MCF2L2: variants seen among roughly 807,000 people sequenced by gnomAD.
MCF2L2 encodes MCF.2 cell line derived transforming sequence-like 2, also known as probable guanine nucleotide exchange factor MCF2L2.
A neutral mutation model predicts 150.2 loss-of-function variants in MCF2L2; 102 were observed. That is an observed-to-expected ratio of 0.68 (90% CI 0.58 to 0.80). The LOEUF is 0.80. Among genes scored for constraint, MCF2L2 ranks in the 30% least tolerant of loss-of-function variants. The pLI, the probability that MCF2L2 is intolerant of heterozygous loss-of-function variation, is 0.00. For missense variants in MCF2L2, 1,256 were observed against 1,372.8 expected (o/e 0.91, Z 1.34); for synonymous variants, 465 against 491.3 (o/e 0.95, Z 0.71).
At chr3:183,248,265 C>G (rs925710518) in intron 15 of MCF2L2, among the ~76,000 whole-genome samples, 3 of 152,062 alleles carry the variant, frequency 2.0e-5, no homozygotes, top group Non-Finnish European at 4.4e-5. Flanking sequence ...CATCTGACCA[C>G]CAAGACTGAT....
intron 1 of MCF2L2, among the ~76,000 whole-genome samples, chr3:183,420,329 C>T (rs769888757): frequency 5.3e-5 from 8 of 152,142 alleles, no homozygotes; most frequent in East Asian, 3.9e-4. Context: ...TGGCCAGGTG[C>T]GGTGGCTCAT....
intron 15 of MCF2L2, among the ~76,000 whole-genome samples, chr3:183,248,087 A>G (rs1354409813): frequency 6.6e-6 from 1 of 152,206 alleles, no homozygotes; most frequent in African/African-American, 2.4e-5. Flanking sequence ...CTACCAGCAG[A>G]TATTCTATTA....
At chr3:183,410,992 G>T (rs1261206293) in intron 1 of MCF2L2, among the ~76,000 whole-genome samples, 1 of 152,138 alleles carries the variant, frequency 6.6e-6, no homozygotes, top group African/African-American at 2.4e-5. Context: ...GGCCCAGGGG[G>T]ACCTCCTGCT....
chr3:183,405,916 A>G (rs1715017503), intron 1 of MCF2L2, among the ~76,000 whole-genome samples: 1 of 152,250 alleles, frequency 6.6e-6, no homozygotes, highest in South Asian at 2.1e-4. Context: ...GGGTTTTACC[A>G]TGCTGGCCAG....
chr3:183,285,021 A>C (rs1242020455), intron 14 of MCF2L2, among the ~76,000 whole-genome samples: 1 of 152,222 alleles, frequency 6.6e-6, no homozygotes, highest in East Asian at 1.9e-4. Context: ...AACTTTTGGG[A>C]GTCAAAGTAA....
intron 1 of MCF2L2, among the ~76,000 whole-genome samples, chr3:183,396,048 C>T (rs551526092): frequency 5.3e-5 from 8 of 151,366 alleles, no homozygotes; most frequent in African/African-American, 1.9e-4. Flanking sequence ...CAGTATCTCA[C>T]ACCCTCCCCC....
At chr3:183,323,822 C>A (rs1186992203) in intron 5 of MCF2L2, among the ~76,000 whole-genome samples, 3 of 151,150 alleles carry the variant, frequency 2.0e-5, no homozygotes, top group Non-Finnish European at 2.9e-5. Context: ...TTACTATATC[C>A]AGCAGGGAAA....
At chr3:183,201,444 T>C (rs1722280528) in intron 25 of MCF2L2, among the ~76,000 whole-genome samples, 1 of 152,218 alleles carries the variant, frequency 6.6e-6, no homozygotes, top group African/African-American at 2.4e-5. Context: ...TATTGGTGTA[T>C]AGGAATGCTT....
intron 15 of MCF2L2, chr3:183,254,834 T>G (rs1165725582): frequency 6.6e-6 from 1 of 152,236 alleles, no homozygotes. Flanking sequence ...CAGATCTCCC[T>G]GGCGGGGAGG....
At chr3:183,335,051 G>A (rs925427395) in intron 5 of MCF2L2, among the ~76,000 whole-genome samples, 5 of 151,572 alleles carry the variant, frequency 3.3e-5, no homozygotes, top group African/African-American at 1.2e-4. Flanking sequence ...CCAGGAGATG[G>A]AGGCTGCAGT....
intron 7 of MCF2L2, among the ~76,000 whole-genome samples, chr3:183,315,225 G>C (rs1436108372): frequency 1.3e-5 from 2 of 151,818 alleles, no homozygotes; most frequent in African/African-American, 4.8e-5. Flanking sequence ...ATACAGGATT[G>C]AGCCACTGTG....
chr3:183,179,259 T>C lies in MCF2L2; in HGVS notation c.*121A>G. The stretch of plus-strand genomic sequence containing the variant: ...CGGAGGAGGCCCTGGTTGTCCCCTT[T>C]CTGCCGCCGCCGAGGCTCCGGCTGC... On this transcript the variant is annotated 3_prime_UTR_variant, in exon 30 of 30. Coordinates refer to ENST00000328913, the MANE Select transcript of MCF2L2 (RefSeq NM_015078.4). The surrounding 1 kb of genome is among the most constrained non-coding windows in gnomAD (Gnocchi z 4.2). 1 of 1,315,660 alleles carries C rather than the reference T, an allele frequency of 7.6e-7. No homozygotes were observed. Among genetic ancestry groups the C allele is most frequent in the East Asian group, 3.1e-5 (1 of 32,544 alleles). 81.5% of individuals were successfully genotyped at this position (1,315,660 alleles called of 1,614,324 possible).
chr3:183,313,977 G>A (rs1729492239), intron 7 of MCF2L2, among the ~76,000 whole-genome samples: 1 of 152,200 alleles, frequency 6.6e-6, no homozygotes, highest in Admixed American at 6.5e-5. Context: ...CTCCTTGATG[G>A]GTGGAAAGGC....
intron 3 of MCF2L2, among the ~76,000 whole-genome samples, chr3:183,349,750 G>C (rs1731038890): frequency 6.6e-6 from 1 of 152,226 alleles, no homozygotes; most frequent in African/African-American, 2.4e-5. Context: ...CTGGCTTTCA[G>C]ACTCAGCTGT....
Position 183,339,237 on chromosome 3 carries a change from G to T in MCF2L2, c.367-318C>A, listed in dbSNP as rs192456854. Among the ~76,000 whole-genome samples the T allele has an allele frequency of 1.0e-3, 155 of 152,130 alleles. 1 individual carries two copies. Among genetic ancestry groups the T allele is most frequent in the African/African-American group, 3.6e-3 (150 of 41,520 alleles). ...ATTAGAAAGTGAAAACTCACCCATG[G>T]GTTTTTATAGCCATACTTAATATTT... On this transcript the variant is annotated intron_variant, in intron 4 of 29. Coordinates refer to ENST00000328913, the MANE Select transcript of MCF2L2 (RefSeq NM_015078.4).
intron 1 of MCF2L2, among the ~76,000 whole-genome samples, chr3:183,392,081 C>G (rs576571723): frequency 6.6e-6 from 1 of 151,902 alleles, no homozygotes; most frequent in Non-Finnish European, 1.5e-5. Flanking sequence ...GATGATGAAC[C>G]GAGAGAAAAA....
At chr3:183,424,248 T>A (rs1716047883) in intron 1 of MCF2L2, among the ~76,000 whole-genome samples, 1 of 152,200 alleles carries the variant, frequency 6.6e-6, no homozygotes, top group Admixed American at 6.5e-5. Context: ...TCTAGACATG[T>A]GTTCACATGT....
chr3:183,340,233 C>T (rs536041942), intron 4 of MCF2L2, among the ~76,000 whole-genome samples: 11 of 152,304 alleles, frequency 7.2e-5, no homozygotes, highest in African/African-American at 2.2e-4. Flanking sequence ...TTGGATGAGG[C>T]TCTAGAGCGA....
chr3:183,330,699 T>A (rs1577067879), intron 5 of MCF2L2, among the ~76,000 whole-genome samples: 1 of 152,220 alleles, frequency 6.6e-6, no homozygotes, highest in South Asian at 2.1e-4. Flanking sequence ...TTTTTTTTCT[T>A]CTTTTAATCT....
Sources: gnomAD v4.1 joint callset for allele counts (sites outside exome capture counted in the v4.1 genomes callset) on GRCh38, gnomAD v4.1.1 for gene constraint, Gnocchi (gnomAD v3.1) non-coding constraint, MANE v1.5 for transcripts, NCBI Gene and HGNC (gene_info 2026-07-23, HGNC 2026-07-21) for gene names.